PHF7: variants seen among roughly 807,000 people sequenced by gnomAD.
PHF7 encodes PHD finger protein 7.
In PHF7, 24 loss-of-function variants were observed where a neutral mutation model predicts 47.5. That is an observed-to-expected ratio of 0.51 (90% CI 0.37 to 0.71). The LOEUF is 0.71. Ranked by LOEUF, PHF7 falls within the 30% of genes least tolerant of loss-of-function variation. The probability of loss-of-function intolerance (pLI) is 0.00; values close to 1 mark genes in which losing one functional copy is unlikely to be tolerated. For missense variants in PHF7, 361 were observed against 456.8 expected (o/e 0.79, Z 1.91); for synonymous variants, 156 against 153.8 (o/e 1.01, Z -0.11).
intron 6 of PHF7, among the ~76,000 whole-genome samples, 177 bp from the exon 7 acceptor site, chr3:52,420,726 C>T (rs1705761313): frequency 6.6e-6 from 1 of 152,152 alleles, no homozygotes; most frequent in Non-Finnish European, 1.5e-5. Flanking sequence ...GAACTTTGCT[C>T]AGTAGGTGAG....
rs1232820005 is a variant in PHF7 at position 52,420,742 on chromosome 3, G to A, written c.414-161G>A. On this transcript the variant is annotated intron_variant, in intron 6 of 10. Transcript: ENST00000327906. ...AACTTTGCTCAGTAGGTGAGCAGCC[G>A]TGAGAAGGCATGTGGCAGTTCTTCA... 4.6e-5 allele frequency among the ~76,000 whole-genome samples: 7 copies of A among 152,176 alleles called. No individual in the cohort carries two copies. The East Asian group carries it at 7.7e-4, about 17-fold the overall frequency.
At chr3:52,419,750 C>T in intron 4 of PHF7, 83 bp from the exon 5 acceptor site, 1 of 831,780 alleles carries the variant, frequency 1.2e-6, no homozygotes, top group South Asian at 1.4e-5. Context: ...TTCTTTAGCT[C>T]TCTTACCCTG....
intron 1 of PHF7, among the ~76,000 whole-genome samples, chr3:52,412,339 T>C (rs1705475565): frequency 6.6e-6 from 1 of 152,208 alleles, no homozygotes; most frequent in Admixed American, 6.5e-5. Flanking sequence ...TTATCTAGCT[T>C]TCACTGGGTA....
intron 4 of PHF7, 121 bp from the exon 5 acceptor site, chr3:52,419,712 T>G: frequency 2.8e-6 from 2 of 718,352 alleles, no homozygotes; most frequent in Non-Finnish European, 5.1e-6. Context: ...ATTACAGGCA[T>G]GAGCCACCAC....
chr3:52,413,945 A>G, intron 2 of PHF7, 51 bp from the exon 3 acceptor site: 1 of 1,247,658 alleles, frequency 8.0e-7, no homozygotes, highest in East Asian at 2.3e-5. Flanking sequence ...TAAAAAGGTT[A>G]TCAACAAGAT....
At chr3:52,413,243 C>T (rs1209626676) in intron 2 of PHF7, among the ~76,000 whole-genome samples, 3 of 152,176 alleles carry the variant, frequency 2.0e-5, no homozygotes, top group African/African-American at 7.2e-5. Flanking sequence ...TTAGAGTGTT[C>T]TGTAGATTCA....
At position 52,410,871 on chromosome 3, in the gene PHF7, G is replaced by C. The variant is rs1484811779; in HGVS notation, c.-446G>C. On this transcript the variant is annotated 5_prime_UTR_variant, in exon 1 of 11. The change abolishes an upstream ATG in the 5' untranslated region. Transcript: ENST00000327906. The stretch of plus-strand genomic sequence containing the variant: ...ACTGGCCGCCCGGCAGGCGCGACAT[G>C]AGCCTGGTCTGGCATCCGCGGGATG... 1 of 152,334 alleles carries C rather than the reference G, an allele frequency of 6.6e-6. No individual in the cohort carries two copies. Among genetic ancestry groups the C allele is most frequent in the Non-Finnish European group, 1.5e-5 (1 of 68,084 alleles). 9.4% of individuals were successfully genotyped at this position (152,334 alleles called of 1,614,324 possible).
At chr3:52,411,557 C>T (rs1428148403) in intron 1 of PHF7, among the ~76,000 whole-genome samples, 2 of 152,178 alleles carry the variant, frequency 1.3e-5, no homozygotes, top group African/African-American at 4.8e-5. Context: ...AAGATATTCC[C>T]GATCTCCAGC....
intron 3 of PHF7, 111 bp downstream of exon 3, chr3:52,414,159 T>C: frequency 4.2e-6 from 3 of 720,500 alleles, no homozygotes; most frequent in Non-Finnish European, 7.3e-6. Context: ...CCCTACTTCC[T>C]TCCTAGATTC....
chr3:52,415,031 T>C (rs2878549), intron 4 of PHF7, among the ~76,000 whole-genome samples: 146,844 of 152,130 alleles, frequency 0.97, 70,908 homozygotes, highest in African/African-American at 0.99. Flanking sequence ...GTATAAAATC[T>C]TGACAGTATA....
chr3:52,413,387 T>C (rs752874756), intron 2 of PHF7, among the ~76,000 whole-genome samples: 2 of 152,042 alleles, frequency 1.3e-5, no homozygotes, highest in Non-Finnish European at 2.9e-5. Context: ...AGATTCAGAG[T>C]AGTTGGCAGA....
At chr3:52,412,750 G>A (rs577982593) in intron 1 of PHF7, 61 bp from the exon 2 acceptor site, 32 of 743,348 alleles carry the variant, frequency 4.3e-5, no homozygotes, top group African/African-American at 2.6e-4. Context: ...CCTTGACCCT[G>A]GGGAACTTGA....
Position 52,422,917 on chromosome 3 carries a change from G to A in PHF7, c.919+36G>A, listed in dbSNP as rs756639342. 2.5e-5 allele frequency: 41 copies of A among 1,613,602 alleles called. No individual in the cohort carries two copies. The South Asian group carries it at 4.5e-4, about 18-fold the overall frequency. On this transcript the variant is annotated intron_variant, in intron 10 of 10. Coordinates refer to ENST00000327906, the MANE Select transcript of PHF7 (RefSeq NM_016483.7). ...AGGGATGGGCCGGCCTCAGAGCAAG[G>A]AGGGGGCTGTAGGGACTTGTGGTGC...
chr3:52,411,295 A>C (rs893692157), intron 1 of PHF7, 48 bp downstream of exon 1: 1 of 152,294 alleles, frequency 6.6e-6, no homozygotes, highest in Non-Finnish European at 1.5e-5. Context: ...GTAACTGGGA[A>C]CTGCTCCGCA....
intron 4 of PHF7, among the ~76,000 whole-genome samples, chr3:52,417,745 T>G (rs186655855): frequency 6.6e-6 from 1 of 152,342 alleles, no homozygotes; most frequent in Admixed American, 6.5e-5. Context: ...CAGTTCTACT[T>G]CTTTCTCTCA....
intron 7 of PHF7, 39 bp downstream of exon 7, chr3:52,421,101 C>T: frequency 2.6e-6 from 4 of 1,547,210 alleles, no homozygotes; most frequent in Non-Finnish European, 2.6e-6. Flanking sequence ...CCACCATTGC[C>T]CTAGTTCTCT....
chr3:52,422,138 T>A (rs1705809152), intron 8 of PHF7, 84 bp from the exon 9 acceptor site: 9 of 923,216 alleles, frequency 9.7e-6, no homozygotes, highest in Non-Finnish European at 1.6e-5. Flanking sequence ...GTGCTTAGCT[T>A]GGGCTCTTCC....
In PHF7 at chr3:52,422,240, C is replaced by A. The variant is rs774832111; in HGVS notation, c.699C>A (p.Leu233=). The change falls in exon 9 of 11, where the codon CTC becomes CTA. Residue 233 remains leucine (L), a synonymous_variant. Coordinates refer to ENST00000327906, the MANE Select transcript of PHF7 (RefSeq NM_016483.7). ...HIPDRDAAWE[L]EPGAFSDLYQ... Reference sequence around the variant, plus strand: ...ACTGCAGAGATGCTGCCTGGGAACTCGAGCCAGGGGCTTTCTCAGACTTAT... The same window carrying A: ...ACTGCAGAGATGCTGCCTGGGAACTAGAGCCAGGGGCTTTCTCAGACTTAT... 9 of 1,612,728 alleles carry A rather than the reference C, an allele frequency of 5.6e-6. No individual in the cohort carries two copies. In the African/African-American group the frequency reaches 1.2e-4, roughly 22 times the overall value.
At chr3:52,414,957 C>G (rs770838007) in intron 4 of PHF7, 1 of 153,216 alleles carries the variant, frequency 6.5e-6, no homozygotes, top group African/African-American at 2.4e-5. Flanking sequence ...GATCACACCA[C>G]CACACTCCAG....
Sources: gnomAD v4.1 joint callset for allele counts (sites outside exome capture counted in the v4.1 genomes callset) on GRCh38, gnomAD v4.1.1 for gene constraint, MANE v1.5 for transcripts, NCBI Gene and HGNC (gene_info 2026-07-23, HGNC 2026-07-21) for gene names.